Variants in C8A observed in about 807,000 individuals in gnomAD.
C8A encodes the protein complement component C8 alpha chain.
C8A carries 67 observed loss-of-function variants against 65.3 expected under a neutral mutation model. The observed-to-expected ratio is 1.03, with a 90% CI of 0.84 to 1.26. The LOEUF (loss-of-function observed/expected upper bound fraction) is 1.26, where lower values mean the gene tolerates loss of function less well. C8A is among the 50% of genes most tolerant of loss of function. The probability of loss-of-function intolerance (pLI) is 0.00; values close to 1 mark genes in which losing one functional copy is unlikely to be tolerated. For synonymous variants in C8A, 290 were observed against 259.4 expected, an observed-to-expected ratio of 1.12 and a Z score of -1.13; for missense variants, 781 against 723.9, an observed-to-expected ratio of 1.08 and a Z score of -0.90.
chr1:56,901,139 G>A (rs894490081), intron 7 of C8A, among the ~76,000 whole-genome samples: 1 of 152,104 alleles, frequency 6.6e-6, no homozygotes, highest in African/African-American at 2.4e-5. Flanking sequence ...CTCCCAACTA[G>A]CCCAGCCACA....
intron 7 of C8A, among the ~76,000 whole-genome samples, chr1:56,897,104 T>C (rs1255295963): frequency 6.6e-6 from 1 of 152,216 alleles, no homozygotes; most frequent in Non-Finnish European, 1.5e-5. Context: ...TTTATTTTCC[T>C]TTCTAAGAAC....
At chr1:56,876,986 G>T (rs1177873993) in intron 4 of C8A, among the ~76,000 whole-genome samples, 4 of 152,176 alleles carry the variant, frequency 2.6e-5, no homozygotes, top group Non-Finnish European at 5.9e-5. Context: ...TTTTAGAGAG[G>T]TAATTAAGGT....
At chr1:56,884,562 G>C (rs1173584463) in intron 6 of C8A, among the ~76,000 whole-genome samples, 1 of 152,098 alleles carries the variant, frequency 6.6e-6, no homozygotes. Context: ...CAAAGAATTA[G>C]CTATTGAGCT....
intron 9 of C8A, among the ~76,000 whole-genome samples, chr1:56,911,226 G>A (rs1644503271): frequency 1.3e-5 from 2 of 152,058 alleles, no homozygotes; most frequent in Non-Finnish European, 2.9e-5. Flanking sequence ...TAGATAATGA[G>A]GATCAGACTT....
intron 7 of C8A, among the ~76,000 whole-genome samples, chr1:56,892,047 T>C (rs1257154792): frequency 6.6e-6 from 1 of 152,090 alleles, no homozygotes; most frequent in East Asian, 1.9e-4. Context: ...TTGCTTCTTC[T>C]ACTCCTGCAA....
At chr1:56,871,348 G>A (rs565032630) in intron 2 of C8A, among the ~76,000 whole-genome samples, 3 of 152,158 alleles carry the variant, frequency 2.0e-5, no homozygotes, top group Non-Finnish European at 2.9e-5. Flanking sequence ...ACTGCCTCCC[G>A]CTGAACCATC....
intron 7 of C8A, among the ~76,000 whole-genome samples, chr1:56,887,497 G>A (rs1644309462): frequency 6.6e-6 from 1 of 152,028 alleles, no homozygotes; most frequent in Non-Finnish European, 1.5e-5. Context: ...CCACATAAAT[G>A]TCTTCTTTTG....
chr1:56,885,399 A>G (rs1216636212), intron 6 of C8A, among the ~76,000 whole-genome samples: 1 of 109,026 alleles, frequency 9.2e-6, no homozygotes. Flanking sequence ...TATTTAAATA[A>G]ATATATATTT....
Position 56,879,178 on chromosome 1 carries a change from A to T in C8A, c.465-2267A>T, listed in dbSNP as rs185918176. On this transcript the variant is annotated intron_variant, in intron 4 of 10. Coordinates refer to ENST00000361249, the MANE Select transcript of C8A (RefSeq NM_000562.3). ...AGCATTTACTATCTGGCTCTTTATTAAAAAAAAATTTCCAACTCCTCATCT... is the reference window on the plus strand; with the variant it reads ...AGCATTTACTATCTGGCTCTTTATTTAAAAAAAATTTCCAACTCCTCATCT... Among the ~76,000 whole-genome samples the T allele has an allele frequency of 4.8e-3, 729 of 151,714 alleles. 4 individuals are homozygous for T. Among genetic ancestry groups the T allele is most frequent in the African/African-American group, 0.017 (695 of 41,354 alleles).
intron 8 of C8A, among the ~76,000 whole-genome samples, chr1:56,907,115 T>A (rs1316817246): frequency 6.6e-6 from 1 of 152,126 alleles, no homozygotes; most frequent in Non-Finnish European, 1.5e-5. Flanking sequence ...ATATTACAGT[T>A]CAGAGGGAGG....
Position 56,886,012 on chromosome 1 carries a change from T to G in C8A, c.941T>G (p.Met314Arg). The change falls in exon 7 of 11, where the codon ATG (methionine) becomes AGG (arginine). Residue 314 changes from methionine to arginine, a missense_variant. Met to Arg is a moderately conservative substitution (Grantham distance 91). Coordinates refer to ENST00000361249, the MANE Select transcript of C8A (RefSeq NM_000562.3). ...RKDDIMLDEG[M>R]LQSLMELPDQ... ...GATGACATTATGCTGGATGAAGGAA[T>G]GCTGCAGTCATTAATGGAGCTTCCA... 1 of 1,614,080 alleles carries G rather than the reference T, an allele frequency of 6.2e-7. No individual in the cohort carries two copies. Among genetic ancestry groups the G allele is most frequent in the Non-Finnish European group, 8.5e-7 (1 of 1,179,964 alleles).
At chr1:56,867,814 C>A in intron 2 of C8A, 112 bp downstream of exon 2, 1 of 795,072 alleles carries the variant, frequency 1.3e-6, no homozygotes, top group Non-Finnish European at 2.2e-6. Context: ...GAAATTGGGT[C>A]TAGAAATTGT....
intron 1 of C8A, among the ~76,000 whole-genome samples, chr1:56,859,704 G>A (rs1257933737): frequency 3.3e-5 from 5 of 152,140 alleles, no homozygotes; most frequent in African/African-American, 9.7e-5. Flanking sequence ...AACAGATAAT[G>A]TTTCAACACT....
At chr1:56,886,541 C>T (rs1052513864) in intron 7 of C8A, among the ~76,000 whole-genome samples, 2 of 152,140 alleles carry the variant, frequency 1.3e-5, no homozygotes, top group African/African-American at 4.8e-5. Flanking sequence ...AAGCTAGAAA[C>T]TTACATTCAT....
chr1:56,862,612 A>T (rs1644045382), intron 1 of C8A, among the ~76,000 whole-genome samples: 1 of 152,134 alleles, frequency 6.6e-6, no homozygotes, highest in African/African-American at 2.4e-5. Context: ...CTGCAATAGC[A>T]CCATATAGAC....
At chr1:56,900,547 A>G (rs1223204742) in intron 7 of C8A, among the ~76,000 whole-genome samples, 8 of 152,148 alleles carry the variant, frequency 5.3e-5, no homozygotes, top group Admixed American at 6.5e-5. Flanking sequence ...GCTTTTTCCA[A>G]TCTTAGCCTG....
intron 7 of C8A, among the ~76,000 whole-genome samples, chr1:56,891,920 A>T (rs1399482337): frequency 6.6e-6 from 1 of 152,150 alleles, no homozygotes; most frequent in Non-Finnish European, 1.5e-5. Flanking sequence ...TCTTCTGCAG[A>T]CTATGAACTT....
At chr1:56,874,197 A>G (rs1469044070) in intron 2 of C8A, among the ~76,000 whole-genome samples, 1 of 152,194 alleles carries the variant, frequency 6.6e-6, no homozygotes, top group Admixed American at 6.5e-5. Flanking sequence ...ATCCCCAGAG[A>G]GAACTTGATT....
intron 6 of C8A, among the ~76,000 whole-genome samples, chr1:56,884,999 G>A (rs564560912): frequency 6.6e-6 from 1 of 152,016 alleles, no homozygotes; most frequent in African/African-American, 2.4e-5. Flanking sequence ...ATTAGCATAG[G>A]AGGTTTCACA....
Sources: gnomAD v4.1 joint callset for allele counts (sites outside exome capture counted in the v4.1 genomes callset) on GRCh38, gnomAD v4.1.1 for gene constraint, MANE v1.5 for transcripts, NCBI Gene and HGNC (gene_info 2026-07-23, HGNC 2026-07-21) for gene names.